The following KIF20B variants were observed in gnomAD, a reference collection of about 807,000 sequenced individuals.
KIF20B encodes kinesin family member 20B, also known as kinesin-like protein KIF20B.
Under a neutral mutation model 232.5 loss-of-function variants are expected in KIF20B, and 188 were observed. The observed-to-expected ratio is 0.81, with a 90% CI of 0.72 to 0.91. KIF20B has a LOEUF of 0.91. Ranked by LOEUF, KIF20B falls within the 40% of genes least tolerant of loss-of-function variation. The pLI, the probability that KIF20B is intolerant of heterozygous loss-of-function variation, is 0.00. For synonymous variants in KIF20B, 712 were observed against 683.0 expected (o/e 1.04, Z -0.66); for missense variants, 2,154 against 2,055.9 (o/e 1.05, Z -0.92).
At chr10:89,757,575 A>G (rs908093545) in intron 26 of KIF20B, among the ~76,000 whole-genome samples, 26 of 151,892 alleles carry the variant, frequency 1.7e-4, no homozygotes, top group Middle Eastern at 3.2e-3. Context: ...AAGCCCAAGG[A>G]CTTGAAGATG....
At chr10:89,746,129 G>A (rs56664691) in intron 23 of KIF20B, among the ~76,000 whole-genome samples, 170 bp downstream of exon 23, 47,436 of 152,100 alleles carry the variant, frequency 0.31, 8,374 homozygotes, top group African/African-American at 0.47. Context: ...GGCAGCATCT[G>A]GGGTTGAGTG....
At chr10:89,766,599 A>G (rs1295413339) in intron 29 of KIF20B, among the ~76,000 whole-genome samples, 1 of 152,112 alleles carries the variant, frequency 6.6e-6, no homozygotes, top group East Asian at 1.9e-4. Context: ...TTTTTAAAGT[A>G]ACTTGTTTTA....
At position 89,738,399 on chromosome 10, in the gene KIF20B, C is replaced by G. The variant is rs1290070475; in HGVS notation, c.3558C>G (p.Asp1186Glu). The change falls in exon 20 of 33, where the codon GAC becomes GAG. Residue 1186 changes from aspartate (D) to glutamate (E), a missense_variant. Asp to Glu is a conservative substitution (Grantham distance 45). Coordinates refer to ENST00000371728, the MANE Select transcript of KIF20B (RefSeq NM_001284259.2). ...ECSHSAKLEQ[D>E]ILEKESIILK... is the part of the protein sequence containing the mutation. ...GTCATTCAGCCAAGTTAGAACAAGA[C>G]ATTTTGGAAAAGGAATCTATCATCT... 4.4e-6 allele frequency: 7 copies of G among 1,601,540 alleles called. No homozygotes were observed. The highest frequency in any genetic ancestry group is 5.9e-6 in the Non-Finnish European group (7 of 1,176,916).
At chr10:89,704,399 T>A (rs1842678962) in intron 1 of KIF20B, among the ~76,000 whole-genome samples, 1 of 152,198 alleles carries the variant, frequency 6.6e-6, no homozygotes, top group South Asian at 2.1e-4. Flanking sequence ...AGTTTAGTGA[T>A]TTGATGTTTA....
intron 13 of KIF20B, among the ~76,000 whole-genome samples, chr10:89,723,209 C>G (rs952486004): frequency 4.2e-4 from 64 of 152,246 alleles, no homozygotes; most frequent in African/African-American, 1.5e-3. Context: ...ATTGGAAGAT[C>G]TGTAGCTTAG....
At chr10:89,707,238 T>G (rs936579734) in intron 2 of KIF20B, among the ~76,000 whole-genome samples, 3 of 152,204 alleles carry the variant, frequency 2.0e-5, no homozygotes, top group Non-Finnish European at 4.4e-5. Context: ...AGTTTTGACA[T>G]GTGCATACAC....
intron 23 of KIF20B, among the ~76,000 whole-genome samples, chr10:89,748,096 G>A (rs1027619255): frequency 6.6e-6 from 1 of 152,142 alleles, no homozygotes; most frequent in South Asian, 2.1e-4. Flanking sequence ...TGCAACCTCC[G>A]CCTTCCTGGT....
intron 28 of KIF20B, among the ~76,000 whole-genome samples, chr10:89,760,963 A>G (rs1842226409): frequency 6.6e-6 from 1 of 152,124 alleles, no homozygotes; most frequent in Admixed American, 6.6e-5. Context: ...GTTAAATAGT[A>G]TTTTTTGGAA....
chr10:89,764,623 G>A (rs1167152105), intron 29 of KIF20B, among the ~76,000 whole-genome samples: 5 of 152,204 alleles, frequency 3.3e-5, no homozygotes, highest in South Asian at 2.1e-4. Context: ...CTGTGGTTTT[G>A]ATTTGCATTT....
At chr10:89,752,939 T>C (rs1842050018) in intron 25 of KIF20B, among the ~76,000 whole-genome samples, 1 of 152,210 alleles carries the variant, frequency 6.6e-6, no homozygotes, top group South Asian at 2.1e-4. Flanking sequence ...ATGTTTCACA[T>C]ATTTAATTCA....
chr10:89,720,493 ATAGAC>A (rs1389280182), intron 13 of KIF20B, among the ~76,000 whole-genome samples: 2 of 152,168 alleles, frequency 1.3e-5, no homozygotes, highest in Admixed American at 1.3e-4. Flanking sequence ...GGTGTTACTT[ATAGAC>A]CATGTGAGTA....
At chr10:89,715,817 G>A (rs569178736) in intron 8 of KIF20B, among the ~76,000 whole-genome samples, 16 of 151,708 alleles carry the variant, frequency 1.1e-4, no homozygotes, top group Middle Eastern at 3.4e-3. Context: ...ATGGCAAAAC[G>A]CCATCTCTAC....
At chr10:89,707,769 C>T (rs1179223513) in intron 2 of KIF20B, among the ~76,000 whole-genome samples, 3 of 152,030 alleles carry the variant, frequency 2.0e-5, no homozygotes, top group African/African-American at 4.8e-5. Context: ...TTGAGTCTTT[C>T]CTGTTAAGTT....
intron 13 of KIF20B, 61 bp from the exon 14 acceptor site, chr10:89,723,899 TGGAC>T: frequency 8.2e-7 from 1 of 1,222,926 alleles, no homozygotes. Flanking sequence ...TTTGAACAGT[TGGAC>T]GGTATTTCTC....
intron 21 of KIF20B, among the ~76,000 whole-genome samples, chr10:89,739,679 A>C (rs1308978376): frequency 8.4e-6 from 1 of 119,058 alleles, no homozygotes; most frequent in Non-Finnish European, 1.7e-5. Context: ...TTTTTTTTAA[A>C]CTTTGAGGTA....
At chr10:89,731,666 G>C (rs928343389) in intron 18 of KIF20B, among the ~76,000 whole-genome samples, 8 of 152,092 alleles carry the variant, frequency 5.3e-5, no homozygotes, top group African/African-American at 1.9e-4. Flanking sequence ...ATTTTGAAGC[G>C]GGGAAAAATG....
intron 26 of KIF20B, 114 bp downstream of exon 26, chr10:89,754,787 G>C (rs1330558417): frequency 1.4e-6 from 1 of 690,508 alleles, no homozygotes; most frequent in African/African-American, 1.8e-5. Flanking sequence ...TTTAAAGGCA[G>C]GTTGTCATCT....
chr10:89,729,836 T>G (rs1843280223), intron 18 of KIF20B, among the ~76,000 whole-genome samples: 2 of 152,236 alleles, frequency 1.3e-5, no homozygotes, highest in Admixed American at 1.3e-4. Context: ...TTAAAATGGC[T>G]TTTGGTTTTC....
At chr10:89,707,715 G>A (rs888407140) in intron 2 of KIF20B, among the ~76,000 whole-genome samples, 1 of 151,176 alleles carries the variant, frequency 6.6e-6, no homozygotes, top group Non-Finnish European at 1.5e-5. Context: ...AAGTGGGGAA[G>A]CAGAAATCCT....
Sources: gnomAD v4.1 joint callset for allele counts (sites outside exome capture counted in the v4.1 genomes callset) on GRCh38, gnomAD v4.1.1 for gene constraint, MANE v1.5 for transcripts, NCBI Gene and HGNC (gene_info 2026-07-23, HGNC 2026-07-21) for gene names.